OLFML2A: variants seen among roughly 807,000 people sequenced by gnomAD.
OLFML2A encodes the protein olfactomedin like 2A, also known as olfactomedin-like protein 2A.
In OLFML2A, 47 loss-of-function variants were observed where a neutral mutation model predicts 60.9. The ratio of observed to expected loss-of-function variants is 0.77; its 90% CI spans 0.61 to 0.98. The LOEUF (loss-of-function observed/expected upper bound fraction) is 0.98, where lower values mean the gene tolerates loss of function less well. OLFML2A is among the 50% of genes least tolerant of loss of function. The pLI is 0.00. For missense variants in OLFML2A, 922 were observed against 879.8 expected (o/e 1.05, Z -0.61); for synonymous variants, 372 against 375.0 (o/e 0.99, Z 0.09).
Position 124,799,443 on chromosome 9 carries a change from C to A in OLFML2A, c.621C>A (p.Ala207=), listed in dbSNP as rs745333156. Residue 207 remains alanine, a synonymous_variant, in exon 4 of 8, where the codon GCC becomes GCA. Transcript: ENST00000373580. ...GCCTCCAGCTGCTGCAGAAGGATGC[C>A]GCCGCCGCCCCTGCCACCCCTGCCA... ...RLGLQLLQKD[A]AAAPATPATG... 1 of 1,608,654 alleles carries A rather than the reference C, an allele frequency of 6.2e-7. No individual in the cohort carries two copies. The highest frequency in any genetic ancestry group is 8.5e-7 in the Non-Finnish European group (1 of 1,178,458).
intron 1 of OLFML2A, among the ~76,000 whole-genome samples, chr9:124,784,971 T>TTTTTTTTTTTTTTTTTTATTAG: frequency 7.2e-6 from 1 of 139,742 alleles, no homozygotes; most frequent in African/African-American, 2.8e-5. Flanking sequence ...TTTTTTTTTT[T>TTTTTTTTTTTTTTTTTTATTAG]GAGACGGAGT....
intron 4 of OLFML2A, among the ~76,000 whole-genome samples, chr9:124,800,693 C>T (rs1164862795): frequency 6.6e-6 from 1 of 152,224 alleles, no homozygotes; most frequent in African/African-American, 2.4e-5. Flanking sequence ...ATTCCGCAGG[C>T]GAGAATGAAG....
chr9:124,793,057 C>T (rs934839701), intron 2 of OLFML2A, among the ~76,000 whole-genome samples: 2 of 152,366 alleles, frequency 1.3e-5, no homozygotes, highest in Admixed American at 6.5e-5. Context: ...TGGCTTAAAA[C>T]AGTTTGAGAC....
chr9:124,778,835 C>T (rs906346276), intron 1 of OLFML2A: 1 of 264,108 alleles, frequency 3.8e-6, no homozygotes, highest in Non-Finnish European at 5.8e-6. Flanking sequence ...AACGGACAGA[C>T]CTTGGGGAGA....
intron 1 of OLFML2A, among the ~76,000 whole-genome samples, chr9:124,786,653 G>A (rs572672957): frequency 5.7e-4 from 86 of 150,802 alleles, no homozygotes; most frequent in African/African-American, 2.0e-3. Flanking sequence ...CCCAGGAGGC[G>A]GAGCTTGCAG....
chr9:124,777,443 G>C lies in OLFML2A; in HGVS notation c.90+83G>C. On this transcript the variant is annotated intron_variant, in intron 1 of 7. Transcript: ENST00000373580. The surrounding 1 kb of genome is among the most constrained non-coding windows in gnomAD (Gnocchi z 6.2). ...TGTGGCTGGGGTGCGGCCCGGGAGG[G>C]AGCCCGGGGCCAGGGCGGAGGAGCC... 1 of 1,194,780 alleles carries C rather than the reference G, an allele frequency of 8.4e-7. No individual in the cohort carries two copies. Among genetic ancestry groups the C allele is most frequent in the Non-Finnish European group, 1.0e-6 (1 of 958,934 alleles). The allele number at this position is 1,194,780 out of a possible 1,614,324, so 74.0% of individuals were successfully genotyped here.
chr9:124,807,978 C>T lies in OLFML2A; in HGVS notation c.1354+12C>T, dbSNP rs1252521426. ...AAACTTCAAGCAAGGTCAGGGACCC[C>T]CGGAGGTGGAGAGGGGGCTGGGTAT... On this transcript the variant is annotated intron_variant, in intron 7 of 7. Transcript: ENST00000373580. 3.7e-6 allele frequency: 6 copies of T among 1,610,742 alleles called. No homozygotes were observed. Among genetic ancestry groups the T allele is most frequent in the African/African-American group, 2.7e-5 (2 of 74,844 alleles).
Position 124,800,416 on chromosome 9 carries a change from G to A in OLFML2A, c.669+925G>A, listed in dbSNP as rs182844965. ...CAGTGAACCCCATAGTCACCTGGGA[G>A]GAGGGGCGACCCCTGCCCATTTGGC... On this transcript the variant is annotated intron_variant, in intron 4 of 7. Coordinates refer to ENST00000373580, the MANE Select transcript of OLFML2A (RefSeq NM_182487.4). Among the ~76,000 whole-genome samples, 32 of 152,372 alleles carry A rather than the reference G, an allele frequency of 2.1e-4. No individual in the cohort carries two copies. The East Asian group carries it at 4.6e-3, about 22-fold the overall frequency.
chr9:124,799,159 G>A (rs1313908640), intron 3 of OLFML2A, 126 bp from the exon 4 acceptor site: 3 of 645,888 alleles, frequency 4.6e-6, no homozygotes, highest in Non-Finnish European at 2.8e-6. Flanking sequence ...GCTCACTGCG[G>A]CCGCCCCTAG....
chr9:124,784,012 G>A (rs970422946), intron 1 of OLFML2A, among the ~76,000 whole-genome samples: 1 of 152,128 alleles, frequency 6.6e-6, no homozygotes, highest in African/African-American at 2.4e-5. Context: ...TGGGGGATAG[G>A]AGTTTCTGGG....
At position 124,786,797 on chromosome 9, in the gene OLFML2A, C is replaced by CAG. The variant is rs1554755793; in HGVS notation, c.91-175_91-174dup. Among the ~76,000 whole-genome samples, 126 of 123,772 alleles carry CAG rather than the reference C, an allele frequency of 1.0e-3. 2 individuals carry two copies. Among genetic ancestry groups the CAG allele is most frequent in the Middle Eastern group, 5.0e-3 (1 of 200 alleles). 81.2% of individuals were successfully genotyped at this position (123,772 alleles called of 152,430 possible). ...ACACACACACACACACACACACACA[C>CAG]AGAGTTGTTATTATTATTAAAAGGG... On this transcript the variant is annotated intron_variant, in intron 1 of 7. Transcript: ENST00000373580.
chr9:124,797,452 A>C (rs1324880767), intron 3 of OLFML2A, among the ~76,000 whole-genome samples: 1 of 152,184 alleles, frequency 6.6e-6, no homozygotes, highest in Non-Finnish European at 1.5e-5. Flanking sequence ...GGAAGTAGAG[A>C]GCAAGGATTT....
rs1245348655 is a variant in OLFML2A, at chr9:124,804,198, C to T, written c.1024C>T (p.Pro342Ser). The part of the protein sequence containing the change: ...PNSAEQDEAE[P>S]RSSERVDLAS... ...CTCCGCAGAGCAGGATGAGGCTGAGCCCAGGTCCTCCGAGCGAGTGGACCT... is the reference window on the plus strand; with the variant it reads ...CTCCGCAGAGCAGGATGAGGCTGAGTCCAGGTCCTCCGAGCGAGTGGACCT... The change falls in exon 6 of 8, where the codon CCC (proline) becomes TCC (serine). Residue 342 changes from proline to serine, a missense_variant. Transcript: ENST00000373580. 6.8e-6 allele frequency: 11 copies of T among 1,614,006 alleles called. No individual in the cohort carries two copies. The highest frequency in any genetic ancestry group is 9.3e-6 in the Non-Finnish European group (11 of 1,180,014).
At chr9:124,784,597 T>C (rs185436145) in intron 1 of OLFML2A, among the ~76,000 whole-genome samples, 121 of 152,322 alleles carry the variant, frequency 7.9e-4, no homozygotes, top group Non-Finnish European at 1.3e-3. Flanking sequence ...TAAAACAAAA[T>C]AACAAAAATT....
At position 124,809,544 on chromosome 9, in the gene OLFML2A, T is replaced by C. The variant is rs559873710; in HGVS notation, c.1355-264T>C. ...ACAAAGAATGGGGCTGATGTCACCC[T>C]GTGTCTAAATCCTAGCTGTGCCATT... is the stretch of plus-strand genomic sequence containing the variant. On this transcript the variant is annotated intron_variant, in intron 7 of 7. Coordinates refer to ENST00000373580, the MANE Select transcript of OLFML2A (RefSeq NM_182487.4). Among the ~76,000 whole-genome samples, 4 of 151,628 alleles carry C rather than the reference T, an allele frequency of 2.6e-5. No homozygotes were observed. In the South Asian group the frequency reaches 8.4e-4, roughly 32 times the overall value.
chr9:124,799,610 G>C, intron 4 of OLFML2A, 119 bp downstream of exon 4: 5 of 805,906 alleles, frequency 6.2e-6, no homozygotes, highest in Non-Finnish European at 9.9e-6. Flanking sequence ...ATGGGGTTGA[G>C]GACTGGCACA....
chr9:124,785,074 C>T (rs1841436138), intron 1 of OLFML2A, among the ~76,000 whole-genome samples: 1 of 148,932 alleles, frequency 6.7e-6, no homozygotes, highest in East Asian at 2.0e-4. Flanking sequence ...CCATCTCAGC[C>T]TCCCTAGTAG....
chr9:124,804,472 C>A, intron 6 of OLFML2A, 130 bp downstream of exon 6: 1 of 923,040 alleles, frequency 1.1e-6, no homozygotes, highest in Non-Finnish European at 1.6e-6. Flanking sequence ...ACCTGTAACA[C>A]CAGCACTTTG....
chr9:124,787,980 C>G (rs1036404105), intron 2 of OLFML2A, among the ~76,000 whole-genome samples: 4 of 152,088 alleles, frequency 2.6e-5, no homozygotes, highest in Admixed American at 2.6e-4. Context: ...TGGGCAGCCT[C>G]CAATCTATGC....
Sources: gnomAD v4.1 joint callset for allele counts (sites outside exome capture counted in the v4.1 genomes callset) on GRCh38, gnomAD v4.1.1 for gene constraint, Gnocchi (gnomAD v3.1) non-coding constraint, MANE v1.5 for transcripts, NCBI Gene and HGNC (gene_info 2026-07-23, HGNC 2026-07-21) for gene names.